AGO2: variants seen among roughly 807,000 people sequenced by gnomAD.
The protein encoded by AGO2 is argonaute RISC catalytic component 2.
A neutral mutation model predicts 102.3 loss-of-function variants in AGO2; 5 were observed. That is an observed-to-expected ratio of 0.05 (90% CI 0.03 to 0.10). The LOEUF is 0.10. Among genes scored for constraint, AGO2 ranks in the 10% least tolerant of loss-of-function variants. The pLI, the probability that AGO2 is intolerant of heterozygous loss-of-function variation, is 1.00. For missense variants in AGO2, 541 were observed against 1,183.7 expected, an observed-to-expected ratio of 0.46 and a Z score of 7.97; for synonymous variants, 449 against 473.1, an observed-to-expected ratio of 0.95 and a Z score of 0.66.
At chr8:140,624,081 C>T (rs1047243246) in intron 1 of AGO2, among the ~76,000 whole-genome samples, 1 of 151,966 alleles carries the variant, frequency 6.6e-6, no homozygotes, top group South Asian at 2.1e-4. Context: ...ATGGACCGTC[C>T]CCTCCTGGGT....
chr8:140,535,314 C>T (rs879905665), intron 17 of AGO2, 154 bp downstream of exon 17: 1 of 760,852 alleles, frequency 1.3e-6, no homozygotes, highest in African/African-American at 1.7e-5. Context: ...ACCCCAGCGC[C>T]TGGCACAGCC....
chr8:140,606,266 C>T (rs1283703136), intron 1 of AGO2, among the ~76,000 whole-genome samples: 4 of 152,172 alleles, frequency 2.6e-5, no homozygotes, highest in Admixed American at 6.5e-5. Flanking sequence ...CCATTTCCAG[C>T]GCAGGAAGAA....
intron 1 of AGO2, among the ~76,000 whole-genome samples, chr8:140,596,275 T>A (rs1170952981): frequency 1.3e-5 from 2 of 152,068 alleles, no homozygotes; most frequent in South Asian, 4.1e-4. Flanking sequence ...CTCTGATATA[T>A]CCCTAAGTTA....
Position 140,557,708 on chromosome 8 carries a change from G to A in AGO2, c.879-472C>T, listed in dbSNP as rs1239858077. On this transcript the variant is annotated intron_variant, in intron 7 of 18. Coordinates refer to ENST00000220592, the MANE Select transcript of AGO2 (RefSeq NM_012154.5). This position sits in a 1 kb window ranked among gnomAD's most constrained non-coding sequence, Gnocchi z 5.9. ...CTGGGTGCAGTATGGGTGAGTGAGG[G>A]GGAGGCCCACAGGCACAGGAAGGGT... is the stretch of plus-strand genomic sequence containing the variant. Among the ~76,000 whole-genome samples the A allele has an allele frequency of 3.3e-5, 5 of 152,242 alleles. No homozygotes were observed. In the East Asian group the frequency reaches 7.7e-4, roughly 23 times the overall value.
At chr8:140,621,175 T>C (rs1430891661) in intron 1 of AGO2, among the ~76,000 whole-genome samples, 1 of 152,190 alleles carries the variant, frequency 6.6e-6, no homozygotes, top group Non-Finnish European at 1.5e-5. Context: ...CCAATCGTTT[T>C]CCACCCTGCA....
Position 140,635,552 on chromosome 8 carries a change from G to C in AGO2, c.-46C>G. 2.0e-6 allele frequency: 2 copies of C among 977,844 alleles called. No homozygotes were observed. Among genetic ancestry groups the C allele is most frequent in the Non-Finnish European group, 1.2e-6 (1 of 826,134 alleles). 60.6% of individuals were successfully genotyped at this position (977,844 alleles called of 1,614,324 possible). A position where few individuals can be genotyped will look rare whatever the true frequency, so the allele number is the denominator to read the frequency against. Reference sequence around the variant, plus strand: ...CCGGGGCCGAGGGGCGGCCGCGCGCGCGCCACGGGCCCCGACGCCGCGAGC... The same window carrying C: ...CCGGGGCCGAGGGGCGGCCGCGCGCCCGCCACGGGCCCCGACGCCGCGAGC... On this transcript the variant is annotated 5_prime_UTR_variant, in exon 1 of 19. Coordinates refer to ENST00000220592, the MANE Select transcript of AGO2 (RefSeq NM_012154.5).
intron 4 of AGO2, among the ~76,000 whole-genome samples, chr8:140,561,922 A>G (rs1428493992): frequency 6.6e-6 from 1 of 152,236 alleles, no homozygotes; most frequent in African/African-American, 2.4e-5. Context: ...TCAGGAAATT[A>G]GTGCAACCCT....
At chr8:140,599,681 A>G (rs921534632) in intron 1 of AGO2, among the ~76,000 whole-genome samples, 2 of 152,048 alleles carry the variant, frequency 1.3e-5, no homozygotes, top group Non-Finnish European at 1.5e-5. Flanking sequence ...TATGATCTAC[A>G]TCTCTTCACC....
rs1364879068 is a variant in AGO2, at chr8:140,524,051, A to C, written c.*7993T>G. ...AAAAACTGCCTGTTAGGTTAAGTCA[A>C]AACTGGTGTCCTATGTGCACAGCTC... On this transcript the variant is annotated 3_prime_UTR_variant, in exon 19 of 19. Coordinates refer to ENST00000220592, the MANE Select transcript of AGO2 (RefSeq NM_012154.5). 6.6e-6 allele frequency: 1 copy of C among 152,272 alleles called. No homozygotes were observed. The highest frequency in any genetic ancestry group is 2.4e-5 in the African/African-American group (1 of 41,472). 9.4% of individuals were successfully genotyped at this position (152,272 alleles called of 1,614,324 possible).
Position 140,532,453 on chromosome 8 carries a change from G to T in AGO2, c.2434C>A (p.Arg812=). ...PAYYAHLVAF[R]ARYHLVDKEH... is the part of the protein sequence containing the mutation. The stretch of plus-strand genomic sequence containing the variant: ...TTATCCACCAGGTGGTACCTGGCCC[G>T]GAAGGCCACCAGGTGAGCGTAGTAT... The change falls in exon 18 of 19, where the codon CGG becomes AGG. Residue 812 remains arginine (R), a synonymous_variant. Transcript: ENST00000220592. 1 of 1,614,140 alleles carries T rather than the reference G, an allele frequency of 6.2e-7. No individual in the cohort carries two copies. Among genetic ancestry groups the T allele is most frequent in the Middle Eastern group, 1.7e-4 (1 of 6,042 alleles).
intron 2 of AGO2, among the ~76,000 whole-genome samples, chr8:140,578,017 CCCG>C (rs2073494019): frequency 6.6e-6 from 1 of 152,244 alleles, no homozygotes; most frequent in Non-Finnish European, 1.5e-5. Flanking sequence ...ACAATGCACA[CCCG>C]TGGAGTCGGC....
chr8:140,584,348 G>T (rs991472014), intron 2 of AGO2, among the ~76,000 whole-genome samples: 108 of 152,190 alleles, frequency 7.1e-4, no homozygotes, highest in African/African-American at 2.4e-3. Flanking sequence ...GTGCTGGTGG[G>T]GGTGGGTGGC....
intron 14 of AGO2, 73 bp downstream of exon 14, chr8:140,544,140 C>T (rs2072849488): frequency 1.4e-6 from 2 of 1,460,522 alleles, no homozygotes; most frequent in Non-Finnish European, 9.1e-7. Context: ...CCTGGCCACG[C>T]TGTGACAGTG....
rs182154748 is a variant in AGO2, at chr8:140,594,765, C to T, written c.23-9454G>A. Among the ~76,000 whole-genome samples, 15 of 152,100 alleles carry T rather than the reference C, an allele frequency of 9.9e-5. No individual in the cohort carries two copies. The East Asian group carries it at 2.7e-3, about 27-fold the overall frequency. On this transcript the variant is annotated intron_variant, in intron 1 of 18. Transcript: ENST00000220592. ...TCAAGGCTGCAGTGATCCGAGATCA[C>T]ACCTCTGCCCTCCAGCCTGGCTGAC...
rs151080112 is a variant in AGO2 at position 140,522,666 on chromosome 8, AAGAGAG to A, written c.*9372_*9377del. The stretch of plus-strand genomic sequence containing the variant: ...AGCTATGGCCATAGCCAAGCTAGAC[AAGAGAG>A]AGAGAGAGAGACAGAGACAGAGACA... On this transcript the variant is annotated 3_prime_UTR_variant, in exon 19 of 19. Coordinates refer to ENST00000220592, the MANE Select transcript of AGO2 (RefSeq NM_012154.5). 7.6e-6 allele frequency: 1 copy of A among 131,910 alleles called. No homozygotes were observed. The highest frequency in any genetic ancestry group is 1.6e-5 in the Non-Finnish European group (1 of 64,076). 8.2% of individuals were successfully genotyped at this position (131,910 alleles called of 1,614,324 possible).
intron 2 of AGO2, among the ~76,000 whole-genome samples, chr8:140,584,116 CA>C (rs974019180): frequency 2.2e-5 from 2 of 90,296 alleles, no homozygotes; most frequent in African/African-American, 8.7e-5. Flanking sequence ...GGATCAATAA[CA>C]AAAAGACAAG....
chr8:140,592,410 C>G (rs2073758310), intron 1 of AGO2: 1 of 152,264 alleles, frequency 6.6e-6, no homozygotes, highest in Non-Finnish European at 1.5e-5. Context: ...GACTCTGTAT[C>G]TGCCTCTCCC....
intron 1 of AGO2, among the ~76,000 whole-genome samples, chr8:140,600,825 G>A (rs2073922800): frequency 6.6e-6 from 1 of 151,866 alleles, no homozygotes; most frequent in Non-Finnish European, 1.5e-5. Flanking sequence ...AAACCCCAGT[G>A]AGTGGGTCAC....
chr8:140,530,251 C>G lies in AGO2; in HGVS notation c.*1793G>C, dbSNP rs2072567912. 1 of 152,250 alleles carries G rather than the reference C, an allele frequency of 6.6e-6. No individual in the cohort carries two copies. The highest frequency in any genetic ancestry group is 1.5e-5 in the Non-Finnish European group (1 of 68,080). The allele number at this position is 152,250 out of a possible 1,614,324, so 9.4% of individuals were successfully genotyped here. ...ATATCCAGGCGAGGTATCGGGAGAC[C>G]CCCGACCTGCGGCTTGCTGCCCCTC... On this transcript the variant is annotated 3_prime_UTR_variant, in exon 19 of 19. Transcript: ENST00000220592.
Sources: gnomAD v4.1 joint callset for allele counts (sites outside exome capture counted in the v4.1 genomes callset) on GRCh38, gnomAD v4.1.1 for gene constraint, Gnocchi (gnomAD v3.1) non-coding constraint, MANE v1.5 for transcripts, NCBI Gene and HGNC (gene_info 2026-07-23, HGNC 2026-07-21) for gene names.